The following NR3C1 variants were observed in gnomAD, a reference collection of about 807,000 sequenced individuals.
NR3C1 encodes the protein glucocorticoid receptor.
Under a neutral mutation model 74.0 loss-of-function variants are expected in NR3C1, and 14 were observed. The ratio of observed to expected loss-of-function variants is 0.19; its 90% confidence interval spans 0.12 to 0.30. NR3C1 has a LOEUF of 0.30. Among genes scored for constraint, NR3C1 ranks in the 10% least tolerant of loss-of-function variants. The pLI is 1.00. For synonymous variants in NR3C1, 308 were observed against 332.5 expected (o/e 0.93, Z 0.80); for missense variants, 695 against 909.8 (o/e 0.76, Z 3.04).
intron 4 of NR3C1, among the ~76,000 whole-genome samples, chr5:143,303,547 A>G (rs1818943601): frequency 6.6e-6 from 1 of 152,120 alleles, no homozygotes; most frequent in Non-Finnish European, 1.5e-5. Flanking sequence ...TAAAAAAGCA[A>G]TCTAGAAAGA....
At chr5:143,338,026 A>C (rs1827480165) in intron 2 of NR3C1, among the ~76,000 whole-genome samples, 1 of 152,166 alleles carries the variant, frequency 6.6e-6, no homozygotes, top group African/African-American at 2.4e-5. Context: ...TTTTCATTAA[A>C]TTGTATGTAT....
Position 143,298,175 on chromosome 5 carries a change from C to A in NR3C1, c.1892+493G>T, listed in dbSNP as rs184444740. Among the ~76,000 whole-genome samples the A allele has an allele frequency of 1.0e-3, 155 of 152,318 alleles. 3 individuals carry two copies. The East Asian group carries it at 0.022, about 22-fold the overall frequency. ...AAATCTTAAAGGCTTGGTCTTCTCT[C>A]AGTTAAACAAAACAAATTTGTTCCC... On this transcript the variant is annotated intron_variant, in intron 6 of 8. Coordinates refer to ENST00000394464, the MANE Select transcript of NR3C1 (RefSeq NM_000176.3).
At chr5:143,349,005 A>G (rs1829780261) in intron 2 of NR3C1, among the ~76,000 whole-genome samples, 1 of 152,150 alleles carries the variant, frequency 6.6e-6, no homozygotes. Context: ...TTATTGTTGC[A>G]TTACATGTGG....
chr5:143,287,708 G>T (rs1814816651), intron 7 of NR3C1, among the ~76,000 whole-genome samples: 1 of 152,098 alleles, frequency 6.6e-6, no homozygotes, highest in African/African-American at 2.4e-5. Flanking sequence ...AGAAAAGAAA[G>T]TTGTAGATCA....
At chr5:143,286,382 A>G (rs1814489755) in intron 7 of NR3C1, among the ~76,000 whole-genome samples, 1 of 152,174 alleles carries the variant, frequency 6.6e-6, no homozygotes, top group African/African-American at 2.4e-5. Flanking sequence ...GAATTCAGCT[A>G]TATGTAAAAA....
At chr5:143,435,311 C>T (rs1195245183) in exon 1 of NR3C1, 1 of 985,228 alleles carries the variant, frequency 1.0e-6, no homozygotes, top group Non-Finnish European at 1.2e-6. Flanking sequence ...CTTCTAAGGT[C>T]CAGTGATTTG....
rs369191318 is a variant in NR3C1 at position 143,289,072 on chromosome 5, C to CAAA, written c.2024-6350_2024-6348dup. 8.5e-5 allele frequency among the ~76,000 whole-genome samples: 6 copies of CAAA among 70,554 alleles called. 1 individual carries two copies. Among genetic ancestry groups the CAAA allele is most frequent in the South Asian group, 5.2e-4 (1 of 1,936 alleles). 46.3% of individuals were successfully genotyped at this position (70,554 alleles called of 152,430 possible). A position where few individuals can be genotyped will look rare whatever the true frequency, so the allele number is the denominator to read the frequency against. On this transcript the variant is annotated intron_variant, in intron 7 of 8. Transcript: ENST00000394464. ...GGGCAACAATAGTGAGACTCCATCT[C>CAAA]AAAAAAAAAAAAAAAAAAGGAAGTG...
intron 1 of NR3C1, among the ~76,000 whole-genome samples, chr5:143,419,684 A>G (rs1437043582): frequency 6.6e-6 from 1 of 152,216 alleles, no homozygotes; most frequent in Non-Finnish European, 1.5e-5. Flanking sequence ...ACAAGGTAAT[A>G]GAATATCACA....
intron 2 of NR3C1, among the ~76,000 whole-genome samples, chr5:143,371,837 T>C (rs1834291625): frequency 6.6e-6 from 1 of 152,216 alleles, no homozygotes. Context: ...AAAATACTAA[T>C]CACATTTTTC....
chr5:143,291,171 A>G (rs1307849640), intron 7 of NR3C1, among the ~76,000 whole-genome samples: 2 of 152,066 alleles, frequency 1.3e-5, no homozygotes, highest in East Asian at 3.9e-4. Flanking sequence ...GTTTAAATGT[A>G]TCTATATTAT....
At chr5:143,305,813 C>G (rs1250511554) in intron 4 of NR3C1, among the ~76,000 whole-genome samples, 1 of 152,128 alleles carries the variant, frequency 6.6e-6, no homozygotes, top group Admixed American at 6.5e-5. Flanking sequence ...AAGGTTCAAT[C>G]ATACTCCAAA....
chr5:143,321,695 A>G (rs1367946964), intron 2 of NR3C1, among the ~76,000 whole-genome samples: 1 of 152,150 alleles, frequency 6.6e-6, no homozygotes, highest in Non-Finnish European at 1.5e-5. Context: ...TTTCTTTATC[A>G]CTACAGGGAT....
intron 2 of NR3C1, among the ~76,000 whole-genome samples, chr5:143,381,474 C>T (rs72801086): frequency 0.13 from 19,756 of 151,882 alleles, 1,485 homozygotes; most frequent in Middle Eastern, 0.3. Context: ...ACAAAAGCCC[C>T]GGAATAGCCA....
intron 2 of NR3C1, among the ~76,000 whole-genome samples, chr5:143,324,386 G>T (rs1304197195): frequency 1.3e-5 from 2 of 152,248 alleles, no homozygotes; most frequent in Non-Finnish European, 2.9e-5. Context: ...TCCACCCTCT[G>T]AAGTCACAGC....
intron 2 of NR3C1, among the ~76,000 whole-genome samples, chr5:143,316,955 G>T (rs889142266): frequency 6.6e-6 from 1 of 152,124 alleles, no homozygotes; most frequent in African/African-American, 2.4e-5. Context: ...AAGTAAAAAT[G>T]AACAAATGGA....
intron 2 of NR3C1, among the ~76,000 whole-genome samples, chr5:143,383,779 T>C (rs1836688659): frequency 6.6e-6 from 1 of 152,240 alleles, no homozygotes; most frequent in Non-Finnish European, 1.5e-5. Context: ...TTAGTAATAA[T>C]GATTTATGTA....
chr5:143,337,309 T>C (rs1390576261), intron 2 of NR3C1, among the ~76,000 whole-genome samples: 1 of 152,102 alleles, frequency 6.6e-6, no homozygotes, highest in Non-Finnish European at 1.5e-5. Context: ...GACAATAAAA[T>C]AACTTACATA....
intron 2 of NR3C1, among the ~76,000 whole-genome samples, chr5:143,396,328 A>T (rs1449385238): frequency 6.6e-6 from 1 of 151,860 alleles, no homozygotes; most frequent in Non-Finnish European, 1.5e-5. Flanking sequence ...TTAAAAAGAA[A>T]TCTCCTTTAA....
At chr5:143,298,628 A>C (rs1280913299) in intron 6 of NR3C1, 40 bp downstream of exon 6, 14 of 1,589,704 alleles carry the variant, frequency 8.8e-6, no homozygotes, top group Non-Finnish European at 1.2e-5. Flanking sequence ...GGTTAAAGAT[A>C]CCCTATGAAT....
Sources: allele counts gnomAD v4.1 joint callset (sites outside exome capture counted in the v4.1 genomes callset), GRCh38; gene constraint gnomAD v4.1.1; transcripts MANE v1.5; gene names NCBI Gene and HGNC (gene_info 2026-07-23, HGNC 2026-07-21).